The following HS3ST5 variants were observed in gnomAD, a reference collection of about 807,000 sequenced individuals.
The protein encoded by HS3ST5 is heparan sulfate-glucosamine 3-sulfotransferase 5, also known as heparan sulfate glucosamine 3-O-sulfotransferase 5.
HS3ST5 carries 10 observed loss-of-function variants against 25.4 expected under a neutral mutation model. The ratio of observed to expected loss-of-function variants is 0.39; its 90% confidence interval spans 0.24 to 0.67. The LOEUF (loss-of-function observed/expected upper bound fraction) is 0.67, where lower values mean the gene tolerates loss of function less well. Ranked by LOEUF, HS3ST5 falls within the 30% of genes least tolerant of loss-of-function variation. The probability of loss-of-function intolerance (pLI) is 0.44; values close to 1 mark genes in which losing one functional copy is unlikely to be tolerated. For missense variants in HS3ST5, 324 were observed against 420.7 expected (o/e 0.77, Z 2.01); for synonymous variants, 170 against 162.4 (o/e 1.05, Z -0.36).
At chr6:114,155,764 T>C (rs1426371711) in intron 3 of HS3ST5, among the ~76,000 whole-genome samples, 1 of 152,228 alleles carries the variant, frequency 6.6e-6, no homozygotes, top group Admixed American at 6.5e-5. Context: ...AAACGTCACG[T>C]ACTGACCTGG....
intron 1 of HS3ST5, among the ~76,000 whole-genome samples, chr6:114,316,748 G>C (rs1225542915): frequency 6.6e-6 from 1 of 152,136 alleles, no homozygotes; most frequent in Non-Finnish European, 1.5e-5. Context: ...AGATGAACAA[G>C]TCAATTGAAT....
chr6:114,194,481 C>T (rs917299907), intron 2 of HS3ST5, among the ~76,000 whole-genome samples: 1 of 152,094 alleles, frequency 6.6e-6, no homozygotes, highest in Non-Finnish European at 1.5e-5. Flanking sequence ...TAAACAGAAA[C>T]CAGCCCTTTC....
At chr6:114,164,104 A>G (rs1582669692) in intron 3 of HS3ST5, among the ~76,000 whole-genome samples, 1 of 152,054 alleles carries the variant, frequency 6.6e-6, no homozygotes, top group East Asian at 1.9e-4. Flanking sequence ...ATGTCAAAGA[A>G]CACATGCTGA....
At chr6:114,311,308 T>C (rs1775520870) in intron 1 of HS3ST5, among the ~76,000 whole-genome samples, 1 of 152,178 alleles carries the variant, frequency 6.6e-6, no homozygotes, top group East Asian at 1.9e-4. Context: ...TATGTTTCCA[T>C]TTTGGTCCTT....
At chr6:114,323,279 T>C (rs891108526) in intron 1 of HS3ST5, among the ~76,000 whole-genome samples, 2 of 152,150 alleles carry the variant, frequency 1.3e-5, no homozygotes, top group Admixed American at 1.3e-4. Flanking sequence ...AGATAGCATA[T>C]GTAAAACTGC....
intron 1 of HS3ST5, among the ~76,000 whole-genome samples, chr6:114,264,976 C>A (rs1218768455): frequency 6.6e-6 from 1 of 152,128 alleles, no homozygotes; most frequent in East Asian, 1.9e-4. Flanking sequence ...AACTCCTGGG[C>A]TCAAGTGATC....
intron 2 of HS3ST5, among the ~76,000 whole-genome samples, chr6:114,196,607 A>G (rs1780770667): frequency 6.6e-6 from 1 of 151,914 alleles, no homozygotes; most frequent in Admixed American, 6.6e-5. Context: ...CCTAAAACTC[A>G]ATTATTAGCA....
At chr6:114,246,634 G>A (rs1056312838) in intron 1 of HS3ST5, among the ~76,000 whole-genome samples, 1 of 152,146 alleles carries the variant, frequency 6.6e-6, no homozygotes, top group African/African-American at 2.4e-5. Flanking sequence ...ATTAAGAGAA[G>A]AAAAGAACAA....
At chr6:114,259,983 CA>C (rs1773096744) in intron 1 of HS3ST5, among the ~76,000 whole-genome samples, 1 of 152,096 alleles carries the variant, frequency 6.6e-6, no homozygotes, top group Non-Finnish European at 1.5e-5. Flanking sequence ...AATAAGTTAT[CA>C]AGTTGAGTTA....
intron 2 of HS3ST5, among the ~76,000 whole-genome samples, chr6:114,191,318 A>T (rs1226876135): frequency 6.6e-6 from 1 of 152,202 alleles, no homozygotes; most frequent in Non-Finnish European, 1.5e-5. Flanking sequence ...ATTGTCACTC[A>T]ATTCTGCCTT....
intron 2 of HS3ST5, among the ~76,000 whole-genome samples, chr6:114,187,871 G>A (rs1372051250): frequency 1.3e-5 from 2 of 152,128 alleles, no homozygotes; most frequent in African/African-American, 4.8e-5. Flanking sequence ...GACCTGACCA[G>A]TCAGCCATCA....
intron 1 of HS3ST5, among the ~76,000 whole-genome samples, chr6:114,318,159 A>G (rs1775819228): frequency 6.6e-6 from 1 of 152,138 alleles, no homozygotes; most frequent in African/African-American, 2.4e-5. Flanking sequence ...TCTGTCCTGG[A>G]GAGTAAACTA....
Position 114,057,245 on chromosome 6 carries a change from T to C in HS3ST5, c.*12A>G, listed in dbSNP as rs1186120599. The stretch of plus-strand genomic sequence containing the variant: ...TCCAGGCACAACACATAGTGTTGTA[T>C]GACATATTATTTTAGGGCCAGTTCA... On this transcript the variant is annotated 3_prime_UTR_variant, in exon 5 of 5. Transcript: ENST00000312719. 3 of 1,575,364 alleles carry C rather than the reference T, an allele frequency of 1.9e-6. No individual in the cohort carries two copies. Among genetic ancestry groups the C allele is most frequent in the African/African-American group, 1.4e-5 (1 of 73,814 alleles).
chr6:114,256,368 A>C (rs1772921343), intron 1 of HS3ST5, among the ~76,000 whole-genome samples: 1 of 151,338 alleles, frequency 6.6e-6, no homozygotes, highest in African/African-American at 2.4e-5. Flanking sequence ...AGCCTGGAGG[A>C]CAGAGCAAGA....
At chr6:114,312,822 G>A (rs755853932) in intron 1 of HS3ST5, among the ~76,000 whole-genome samples, 2 of 151,744 alleles carry the variant, frequency 1.3e-5, no homozygotes, top group African/African-American at 2.4e-5. Context: ...TCGAGGCCAG[G>A]AGATCAAGAC....
At chr6:114,187,720 A>C (rs1780292360) in intron 2 of HS3ST5, among the ~76,000 whole-genome samples, 1 of 152,220 alleles carries the variant, frequency 6.6e-6, no homozygotes, top group African/African-American at 2.4e-5. Flanking sequence ...AAGAAGTTCT[A>C]CCCTGGTTAA....
chr6:114,236,036 T>C lies in HS3ST5; in HGVS notation c.-338-7258A>G, dbSNP rs1014779082. Among the ~76,000 whole-genome samples, 6 of 152,138 alleles carry C rather than the reference T, an allele frequency of 3.9e-5. No homozygotes were observed. In the East Asian group the frequency reaches 1.2e-3, roughly 29 times the overall value. Reference sequence around the variant, plus strand: ...TGCCTCCTTGAGCCAGACTCTCAGGTTGGTAATTCAGACATCTGTACCCTA... The same window carrying C: ...TGCCTCCTTGAGCCAGACTCTCAGGCTGGTAATTCAGACATCTGTACCCTA... On this transcript the variant is annotated intron_variant, in intron 1 of 4. Transcript: ENST00000312719.
At chr6:114,075,580 A>G (rs960210970) in intron 3 of HS3ST5, among the ~76,000 whole-genome samples, 2 of 152,158 alleles carry the variant, frequency 1.3e-5, no homozygotes, top group Admixed American at 1.3e-4. Flanking sequence ...TTAATGCTCT[A>G]TTGTCGCTGT....
At chr6:114,328,570 G>A (rs959836909) in intron 1 of HS3ST5, among the ~76,000 whole-genome samples, 5 of 152,296 alleles carry the variant, frequency 3.3e-5, no homozygotes, top group South Asian at 4.1e-4. Flanking sequence ...ACACTCCCAC[G>A]TAGCACAAGC....
Sources: allele counts gnomAD v4.1 joint callset (sites outside exome capture counted in the v4.1 genomes callset), GRCh38; gene constraint gnomAD v4.1.1; transcripts MANE v1.5; gene names NCBI Gene and HGNC (gene_info 2026-07-23, HGNC 2026-07-21).